SGK1: variants seen among roughly 807,000 people sequenced by gnomAD.
The protein encoded by SGK1 is serine/threonine-protein kinase Sgk1.
In SGK1, 26 loss-of-function variants were observed where a neutral mutation model predicts 64.2. The observed-to-expected ratio is 0.40, with a 90% CI of 0.30 to 0.56. The LOEUF is 0.56. Among genes scored for constraint, SGK1 ranks in the 20% least tolerant of loss-of-function variants. SGK1 has a pLI of 0.38. For synonymous variants in SGK1, 265 were observed against 239.7 expected (o/e 1.11, Z -0.98); for missense variants, 519 against 645.6 (o/e 0.80, Z 2.12).
intron 2 of SGK1, among the ~76,000 whole-genome samples, chr6:134,220,997 A>C (rs1348003015): frequency 6.6e-6 from 1 of 151,556 alleles, no homozygotes; most frequent in Non-Finnish European, 1.5e-5. Context: ...AAAAAAAAAA[A>C]ATTTTATTAA....
At chr6:134,284,491 CTTTT>C (rs34917996) in intron 1 of SGK1, among the ~76,000 whole-genome samples, 2 of 143,062 alleles carry the variant, frequency 1.4e-5, no homozygotes, top group Non-Finnish European at 3.1e-5. Flanking sequence ...TTCTTTCTTT[CTTTT>C]TTTTTTTTGA....
rs778187619 is a variant in SGK1 at position 134,261,918 on chromosome 6, C to T, written c.285+15G>A. 1.3e-5 allele frequency: 20 copies of T among 1,580,682 alleles called. No individual in the cohort carries two copies. The highest frequency in any genetic ancestry group is 8.3e-5 in the Admixed American group (5 of 59,946). On this transcript the variant is annotated intron_variant, in intron 2 of 13. Transcript: ENST00000367858. ...TTTTTCCAGGAGAATAGATCCAGAG[C>T]GAACATGAACTTACTTCACACCCAG...
chr6:134,258,694 G>A (rs561343540), intron 2 of SGK1, among the ~76,000 whole-genome samples: 4 of 152,256 alleles, frequency 2.6e-5, no homozygotes, highest in African/African-American at 9.6e-5. Context: ...GTGACAGGGC[G>A]AGACTCCATC....
intron 2 of SGK1, among the ~76,000 whole-genome samples, chr6:134,245,267 G>T (rs925410535): frequency 6.6e-6 from 1 of 152,228 alleles, no homozygotes; most frequent in Non-Finnish European, 1.5e-5. Context: ...GGCTGTAATA[G>T]TTTAGCTTTC....
chr6:134,227,987 G>A (rs558060204), intron 2 of SGK1, among the ~76,000 whole-genome samples: 1 of 115,092 alleles, frequency 8.7e-6, no homozygotes, highest in South Asian at 2.6e-4. Flanking sequence ...GAGAGTCTTG[G>A]TCTGTCACCC....
intron 1 of SGK1, among the ~76,000 whole-genome samples, chr6:134,272,476 T>G (rs1476942379): frequency 1.4e-5 from 2 of 146,834 alleles, no homozygotes; most frequent in Non-Finnish European, 3.0e-5. Flanking sequence ...TGTTGTTGTT[T>G]TTTTAACTGT....
At chr6:134,208,765 TATATATGTGTATATATAG>T (rs1775834355) in intron 2 of SGK1, among the ~76,000 whole-genome samples, 1 of 71,110 alleles carries the variant, frequency 1.4e-5, no homozygotes, top group South Asian at 1.1e-3. Context: ...TATATACACA[TATATATGTGTATATATAG>T]ATATACACAC....
chr6:134,306,447 G>T (rs139382546), intron 1 of SGK1, among the ~76,000 whole-genome samples: 79 of 152,114 alleles, frequency 5.2e-4, no homozygotes, highest in African/African-American at 1.9e-3. Context: ...AACACACAAG[G>T]AGCTATAATG....
At chr6:134,273,934 C>T (rs1023485598) in intron 1 of SGK1, among the ~76,000 whole-genome samples, 4 of 152,116 alleles carry the variant, frequency 2.6e-5, no homozygotes, top group Non-Finnish European at 5.9e-5. Context: ...GCTGGGGTTA[C>T]AAGCATGAGC....
Position 134,172,285 on chromosome 6 carries a change from A to C in SGK1, c.979T>G (p.Ser327Ala), listed in dbSNP as rs746720665. ...DLKPENILLD[S>A]QGHIVLTDFG... ...TCAGTAAGGACAATGTGTCCCTGTG[A>C]ATCTAGCAAAATATTCTCTGGTTTT... The change falls in exon 10 of 14, where the codon TCA (serine) becomes GCA (alanine). Residue 327 changes from serine (S) to alanine (A), a missense_variant. By Grantham distance (99) the Ser-to-Ala change is moderately conservative. Coordinates refer to ENST00000367858, the MANE Select transcript of SGK1 (RefSeq NM_001143676.3). 6.2e-7 allele frequency: 1 copy of C among 1,613,284 alleles called. No homozygotes were observed. Among genetic ancestry groups the C allele is most frequent in the Non-Finnish European group, 8.5e-7 (1 of 1,179,580 alleles).
At chr6:134,216,752 T>A (rs752360071) in intron 2 of SGK1, among the ~76,000 whole-genome samples, 7 of 152,190 alleles carry the variant, frequency 4.6e-5, no homozygotes, top group African/African-American at 9.7e-5. Context: ...GAAGCAATAA[T>A]ATGGGCAAAG....
intron 1 of SGK1, among the ~76,000 whole-genome samples, chr6:134,309,890 T>C (rs994858920): frequency 6.6e-6 from 1 of 152,200 alleles, no homozygotes; most frequent in African/African-American, 2.4e-5. Context: ...AAAAATTAAC[T>C]AGTATGTAAA....
intron 1 of SGK1, among the ~76,000 whole-genome samples, chr6:134,272,536 T>TG (rs1776956196): frequency 6.8e-6 from 1 of 146,826 alleles, no homozygotes; most frequent in Admixed American, 7.0e-5. Context: ...ACCTTGTTCT[T>TG]GCAATATCTC....
intron 3 of SGK1, among the ~76,000 whole-genome samples, chr6:134,192,575 A>C (rs926189967): frequency 9.3e-5 from 14 of 150,920 alleles, no homozygotes; most frequent in African/African-American, 3.4e-4. Flanking sequence ...TCGTCTTCCT[A>C]CCTCCCTCCC....
At chr6:134,256,401 A>T (rs1776685213) in intron 2 of SGK1, among the ~76,000 whole-genome samples, 1 of 151,964 alleles carries the variant, frequency 6.6e-6, no homozygotes. Context: ...TGTGTGTGTC[A>T]TTTAAGGCAG....
rs1362249046 is a variant in SGK1 at position 134,273,676 on chromosome 6, G to C, written c.70-11528C>G. ...AAATGGGAAAGATATTTCTAGTAGA[G>C]GGGATGGCAGAAGCCCAAATACAGA... On this transcript the variant is annotated intron_variant, in intron 1 of 13. Coordinates refer to ENST00000367858, the MANE Select transcript of SGK1 (RefSeq NM_001143676.3). Among the ~76,000 whole-genome samples, 3 of 149,936 alleles carry C rather than the reference G, an allele frequency of 2.0e-5. No individual in the cohort carries two copies. In the Admixed American group the frequency reaches 2.0e-4, roughly 10 times the overall value.
intron 1 of SGK1, among the ~76,000 whole-genome samples, chr6:134,293,273 G>A (rs1777294098): frequency 6.6e-6 from 1 of 152,182 alleles, no homozygotes; most frequent in Non-Finnish European, 1.5e-5. Flanking sequence ...TTGCAAAGGA[G>A]TATTAGCCTT....
chr6:134,207,139 T>C (rs1775805475), intron 3 of SGK1, among the ~76,000 whole-genome samples: 1 of 151,990 alleles, frequency 6.6e-6, no homozygotes, highest in Non-Finnish European at 1.5e-5. Flanking sequence ...GGCAGGAGAA[T>C]GGCGTGAACC....
intron 3 of SGK1, chr6:134,177,878 C>A: frequency 6.5e-7 from 1 of 1,546,578 alleles, no homozygotes; most frequent in Non-Finnish European, 8.7e-7. Context: ...CACTTTATAT[C>A]AAGGCAATTT....
Sources: gnomAD v4.1 joint callset for allele counts (sites outside exome capture counted in the v4.1 genomes callset) on GRCh38, gnomAD v4.1.1 for gene constraint, MANE v1.5 for transcripts, NCBI Gene and HGNC (gene_info 2026-07-23, HGNC 2026-07-21) for gene names.